The following SEPTIN11 variants were observed in gnomAD, a reference collection of about 807,000 sequenced individuals.
SEPTIN11 encodes the protein septin 11.
Under a neutral mutation model 51.4 loss-of-function variants are expected in SEPTIN11, and 25 were observed. The observed-to-expected ratio is 0.49, with a 90% CI of 0.35 to 0.68. The LOEUF is 0.68. Ranked by LOEUF, SEPTIN11 falls within the 30% of genes least tolerant of loss-of-function variation. The pLI is 0.00. For missense variants in SEPTIN11, 381 were observed against 520.8 expected, an observed-to-expected ratio of 0.73 and a Z score of 2.61; for synonymous variants, 174 against 184.1, an observed-to-expected ratio of 0.95 and a Z score of 0.44.
At chr4:76,960,004 G>A (rs1367523419) in intron 1 of SEPTIN11, among the ~76,000 whole-genome samples, 1 of 152,090 alleles carries the variant, frequency 6.6e-6, no homozygotes, top group Non-Finnish European at 1.5e-5. Flanking sequence ...CAATCTAATT[G>A]TACTCTTTTA....
intron 5 of SEPTIN11, among the ~76,000 whole-genome samples, chr4:77,017,637 C>G (rs1168731450): frequency 1.3e-5 from 2 of 152,134 alleles, no homozygotes; most frequent in Non-Finnish European, 2.9e-5. Context: ...CAATCTGAGC[C>G]AATGATTATG....
intron 1 of SEPTIN11, among the ~76,000 whole-genome samples, chr4:76,986,910 AGGT>A (rs1723062340): frequency 6.6e-6 from 1 of 152,226 alleles, no homozygotes; most frequent in East Asian, 1.9e-4. Context: ...AACAATTAAA[AGGT>A]AACATTTCCC....
At chr4:76,950,931 A>G (rs1482786939) in intron 1 of SEPTIN11, among the ~76,000 whole-genome samples, 2 of 152,144 alleles carry the variant, frequency 1.3e-5, no homozygotes, top group East Asian at 3.9e-4. Flanking sequence ...CGATGTTCAC[A>G]GTCCACTCGC....
intron 5 of SEPTIN11, among the ~76,000 whole-genome samples, chr4:77,016,059 G>C (rs978087786): frequency 6.6e-6 from 1 of 152,080 alleles, no homozygotes; most frequent in African/African-American, 2.4e-5. Flanking sequence ...TTCTTAAGCA[G>C]GATTGAACGT....
intron 2 of SEPTIN11, among the ~76,000 whole-genome samples, chr4:77,005,175 T>G (rs1724394832): frequency 6.6e-6 from 1 of 152,202 alleles, no homozygotes. Context: ...TCAGTGTAAA[T>G]GGAATCACTT....
At position 77,011,670 on chromosome 4, in the gene SEPTIN11, G is replaced by A; in HGVS notation, c.339-65G>A. On this transcript the variant is annotated intron_variant, in intron 3 of 9. Coordinates refer to ENST00000264893, the MANE Select transcript of SEPTIN11 (RefSeq NM_018243.4). ...TTAGGAGAGAAGAAGCCATTGTGAT[G>A]TTGAATGGAGGATTGTCCTGTGAAA... is the stretch of plus-strand genomic sequence containing the variant. 8 of 1,478,800 alleles carry A rather than the reference G, an allele frequency of 5.4e-6. No homozygotes were observed. The South Asian group carries it at 5.9e-5, about 11-fold the overall frequency. 91.6% of individuals were successfully genotyped at this position (1,478,800 alleles called of 1,614,324 possible). A position where few individuals can be genotyped will look rare whatever the true frequency, so the allele number is the denominator to read the frequency against.
At chr4:76,957,074 C>T (rs1453533047) in intron 1 of SEPTIN11, among the ~76,000 whole-genome samples, 1 of 151,506 alleles carries the variant, frequency 6.6e-6, no homozygotes, top group Non-Finnish European at 1.5e-5. Context: ...AGTGAATTCT[C>T]CTACTCACTG....
chr4:77,039,877 G>C (rs1355442481), downstream of SEPTIN11: 1 of 378,068 alleles, frequency 2.6e-6, no homozygotes, highest in Non-Finnish European at 3.6e-6. Flanking sequence ...ACTATGTTTT[G>C]GGGGAGAAAA....
chr4:77,026,195 C>T (rs143144015), intron 7 of SEPTIN11, among the ~76,000 whole-genome samples: 87 of 152,164 alleles, frequency 5.7e-4, no homozygotes, highest in African/African-American at 1.8e-3. Flanking sequence ...GTAGCATTAC[C>T]CAGAGCACAT....
Position 77,037,125 on chromosome 4 carries a change from G to A in SEPTIN11, c.*2613G>A. The A allele has an allele frequency of 1.1e-6, 1 of 948,916 alleles. No individual in the cohort carries two copies. The highest frequency in any genetic ancestry group is 1.3e-6 in the Non-Finnish European group (1 of 787,514). The allele number at this position is 948,916 out of a possible 1,614,324, so 58.8% of individuals were successfully genotyped here. A position where few individuals can be genotyped will look rare whatever the true frequency, so the allele number is the denominator to read the frequency against. On this transcript the variant is annotated 3_prime_UTR_variant, in exon 10 of 10. Transcript: ENST00000264893. The stretch of plus-strand genomic sequence containing the variant: ...GCCTGTAATCCCAGCACTTTGAGAG[G>A]CCGAGGTGGGCAGATCACTTGAGGC...
rs1010023177 is a variant in SEPTIN11, at chr4:76,959,088, C to T, written c.27+9158C>T. ...ATTTTGCAAGGCCCACACCATGTGG[C>T]TGAGAAGTCAACTACAAGTTTATTG... On this transcript the variant is annotated intron_variant, in intron 1 of 9. Transcript: ENST00000264893. 41 of 662,296 alleles carry T rather than the reference C, an allele frequency of 6.2e-5. No individual in the cohort carries two copies. The African/African-American group carries it at 6.3e-4, about 10-fold the overall frequency. 41.0% of individuals were successfully genotyped at this position (662,296 alleles called of 1,614,324 possible).
downstream of SEPTIN11, chr4:77,039,018 T>G (rs1727220846): frequency 3.4e-6 from 4 of 1,160,146 alleles, no homozygotes; most frequent in South Asian, 1.3e-5. Context: ...TTTTCTTTTC[T>G]TAAGCCATTA....
intron 2 of SEPTIN11, among the ~76,000 whole-genome samples, chr4:76,997,670 C>G (rs1189383070): frequency 6.6e-6 from 1 of 152,134 alleles, no homozygotes; most frequent in Non-Finnish European, 1.5e-5. Flanking sequence ...CTTTTCCCTA[C>G]GTGAAGCCTT....
intron 7 of SEPTIN11, 71 bp downstream of exon 7, chr4:77,020,741 ATGC>A (rs765382572): frequency 9.1e-6 from 13 of 1,421,342 alleles, no homozygotes; most frequent in Non-Finnish European, 1.3e-5. Context: ...CATCACAGAA[ATGC>A]TTGCTGGATT....
chr4:77,009,600 C>G (rs1479567935), intron 3 of SEPTIN11, among the ~76,000 whole-genome samples: 3 of 152,188 alleles, frequency 2.0e-5, no homozygotes, highest in Non-Finnish European at 4.4e-5. Flanking sequence ...GTGGGGAAAG[C>G]ATTCCTCACT....
chr4:76,974,606 A>G (rs1722402243), intron 1 of SEPTIN11: 2 of 385,192 alleles, frequency 5.2e-6, no homozygotes, highest in Admixed American at 6.3e-5. Flanking sequence ...CGTTCTAGAT[A>G]GGTCATTTGT....
chr4:76,996,634 T>C (rs564361017), intron 2 of SEPTIN11, 95 bp downstream of exon 2: 1 of 885,098 alleles, frequency 1.1e-6, no homozygotes, highest in African/African-American at 1.7e-5. Context: ...AAGAATGACA[T>C]GTTTATTCTC....
At chr4:76,967,051 G>A (rs1722062993) in intron 1 of SEPTIN11, among the ~76,000 whole-genome samples, 1 of 151,982 alleles carries the variant, frequency 6.6e-6, no homozygotes. Context: ...ACAAAAATTA[G>A]CCAGGTGTGG....
chr4:76,986,576 G>A (rs1723046234), intron 1 of SEPTIN11, among the ~76,000 whole-genome samples: 2 of 152,190 alleles, frequency 1.3e-5, no homozygotes, highest in Admixed American at 1.3e-4. Context: ...AATACCCTAG[G>A]TCACACAGCT....
Sources: gnomAD v4.1 joint callset for allele counts (sites outside exome capture counted in the v4.1 genomes callset) on GRCh38, gnomAD v4.1.1 for gene constraint, MANE v1.5 for transcripts, NCBI Gene and HGNC (gene_info 2026-07-23, HGNC 2026-07-21) for gene names.